The following CLCA1 variants were observed in gnomAD, a reference collection of about 807,000 sequenced individuals.
CLCA1 encodes chloride channel accessory 1.
CLCA1 carries 59 observed loss-of-function variants against 85.6 expected under a neutral mutation model. That is an observed-to-expected ratio of 0.69 (90% CI 0.56 to 0.86). CLCA1 has a LOEUF of 0.86. CLCA1 is among the 40% of genes least tolerant of loss of function. The pLI, the probability that CLCA1 is intolerant of heterozygous loss-of-function variation, is 0.00. For missense variants in CLCA1, 1,022 were observed against 1,101.4 expected (o/e 0.93, Z 1.02); for synonymous variants, 396 against 398.3 (o/e 0.99, Z 0.07).
chr1:86,470,623 A>T (rs1647475524), intron 1 of CLCA1, among the ~76,000 whole-genome samples: 1 of 152,132 alleles, frequency 6.6e-6, no homozygotes, highest in Admixed American at 6.5e-5. Context: ...ACAATTATTA[A>T]ATTGTCTTTC....
chr1:86,473,596 C>T, intron 2 of CLCA1, 39 bp downstream of exon 2: 2 of 1,529,488 alleles, frequency 1.3e-6, no homozygotes, highest in African/African-American at 1.4e-5. Flanking sequence ...TCCACTTTCT[C>T]CTGTAACCAA....
rs527701215 is a variant in CLCA1 at position 86,498,155 on chromosome 1, A to AAAGGAAGGAAGGAAGGAAGGAAGGAAGG, written c.2114-411_2114-384dup. 9.8e-4 allele frequency among the ~76,000 whole-genome samples: 124 copies of AAAGGAAGGAAGGAAGGAAGGAAGGAAGG among 126,016 alleles called. 1 individual carries two copies. Among genetic ancestry groups the AAAGGAAGGAAGGAAGGAAGGAAGGAAGG allele is most frequent in the Admixed American group, 1.9e-3 (22 of 11,770 alleles). 82.7% of individuals were successfully genotyped at this position (126,016 alleles called of 152,430 possible). The stretch of plus-strand genomic sequence containing the variant: ...CTCCATCTCAAAAACAAAAACAAAG[A>AAAGGAAGGAAGGAAGGAAGGAAGGAAGG]AAGGAAGGAAGGAAGGAAGGAAGGA... On this transcript the variant is annotated intron_variant, in intron 12 of 13. Coordinates refer to ENST00000394711, the MANE Select transcript of CLCA1 (RefSeq NM_001285.4).
intron 13 of CLCA1, 136 bp from the exon 14 acceptor site, chr1:86,499,518 T>C (rs747715231): frequency 3.5e-5 from 21 of 596,876 alleles, no homozygotes; most frequent in Non-Finnish European, 4.3e-5. Flanking sequence ...GTTCATTTAT[T>C]TGGGAACCTT....
chr1:86,475,349 C>A (rs769284562), intron 3 of CLCA1, among the ~76,000 whole-genome samples: 1 of 152,154 alleles, frequency 6.6e-6, no homozygotes, highest in Non-Finnish European at 1.5e-5. Flanking sequence ...CAAATTCAGC[C>A]TTCCTTGGAA....
Position 86,484,084 on chromosome 1 carries a change from G to A in CLCA1, c.736-1259G>A, listed in dbSNP as rs186362040. On this transcript the variant is annotated intron_variant, in intron 5 of 13. Coordinates refer to ENST00000394711, the MANE Select transcript of CLCA1 (RefSeq NM_001285.4). ...AGAACAGCATGGAGGAAACCATCTC[G>A]ATGATCCAATCACCTCCCACCAGAT... Among the ~76,000 whole-genome samples the A allele has an allele frequency of 3.3e-3, 509 of 152,246 alleles. 5 individuals are homozygous for A. The highest frequency in any genetic ancestry group is 3.6e-3 in the Non-Finnish European group (247 of 68,016).
intron 9 of CLCA1, among the ~76,000 whole-genome samples, chr1:86,492,893 G>C (rs535300514): frequency 1.7e-4 from 26 of 152,170 alleles, no homozygotes; most frequent in Non-Finnish European, 3.2e-4. Flanking sequence ...ATAGGGCGAA[G>C]CACAATATGA....
chr1:86,499,748 A>T lies in CLCA1; in HGVS notation c.2448A>T (p.Pro816=). ...SLQVNTTALI[P]KEANSEEVFL... ...AAGTGAATACTACTGCTCTCATCCC[A>T]AAGGAAGCCAACTCTGAGGAAGTCT... The change falls in exon 14 of 14, where the codon CCA becomes CCT. Residue 816 remains proline, a synonymous_variant. Transcript: ENST00000394711. 1 of 1,613,122 alleles carries T rather than the reference A, an allele frequency of 6.2e-7. No individual in the cohort carries two copies. Among genetic ancestry groups the T allele is most frequent in the Non-Finnish European group, 8.5e-7 (1 of 1,179,110 alleles).
intron 6 of CLCA1, 93 bp downstream of exon 6, chr1:86,485,654 C>T (rs996386886): frequency 1.7e-5 from 19 of 1,109,184 alleles, no homozygotes; most frequent in South Asian, 6.5e-5. Flanking sequence ...AAACATAACC[C>T]GAGGGCCAGA....
intron 7 of CLCA1, among the ~76,000 whole-genome samples, chr1:86,488,310 T>A (rs1396129681): frequency 6.6e-6 from 1 of 152,194 alleles, no homozygotes; most frequent in East Asian, 1.9e-4. Context: ...TTTATCTAAT[T>A]TTCCTCCCGT....
chr1:86,484,172 C>T (rs1358543045), intron 5 of CLCA1, among the ~76,000 whole-genome samples: 2 of 152,208 alleles, frequency 1.3e-5, no homozygotes, highest in African/African-American at 4.8e-5. Flanking sequence ...CAGAGCCAAA[C>T]CATATCAGAT....
At chr1:86,484,933 T>C (rs1331244812) in intron 5 of CLCA1, among the ~76,000 whole-genome samples, 12 of 152,076 alleles carry the variant, frequency 7.9e-5, no homozygotes, top group Admixed American at 6.6e-4. Context: ...AGCTGGAACA[T>C]TGGGAGTTGA....
chr1:86,472,812 C>T (rs1647541347), intron 1 of CLCA1, among the ~76,000 whole-genome samples: 3 of 152,112 alleles, frequency 2.0e-5, no homozygotes, highest in South Asian at 2.1e-4. Context: ...AATACCACAA[C>T]ATTTAGTATT....
intron 1 of CLCA1, among the ~76,000 whole-genome samples, chr1:86,470,357 A>C (rs1159651709): frequency 6.6e-6 from 1 of 152,212 alleles, no homozygotes; most frequent in Non-Finnish European, 1.5e-5. Flanking sequence ...TGAATCTCTC[A>C]ATCATCTAAA....
intron 6 of CLCA1, among the ~76,000 whole-genome samples, chr1:86,486,190 A>ATTT (rs2101739431): frequency 6.6e-6 from 1 of 152,318 alleles, no homozygotes; most frequent in African/African-American, 2.4e-5. Context: ...TGTGGGGATT[A>ATTT]TGGGGATTAC....
In CLCA1 at chr1:86,485,421, A is replaced by G; in HGVS notation, c.814A>G (p.Thr272Ala). 1 of 1,614,238 alleles carries G rather than the reference A, an allele frequency of 6.2e-7. No homozygotes were observed. The highest frequency in any genetic ancestry group is 8.5e-7 in the Non-Finnish European group (1 of 1,180,022). Residue 272 changes from threonine (T) to alanine (A), a missense_variant, in exon 6 of 14, where the codon ACA becomes GCA. Thr to Ala is a moderately conservative substitution (Grantham distance 58). Transcript: ENST00000394711. ...KQNQKCNLRS[T>A]WEVIRDSEDF... ...AAATCAAAAATGCAATCTCCGAAGC[A>G]CATGGGAAGTGATCCGTGATTCTGA...
chr1:86,488,736 T>C (rs2791507), intron 7 of CLCA1, among the ~76,000 whole-genome samples: 21,071 of 152,132 alleles, frequency 0.14, 1,825 homozygotes, highest in East Asian at 0.24. Flanking sequence ...TCCCCAGTGC[T>C]GTCCACCCCT....
rs557200815 is a variant in CLCA1, at chr1:86,473,032, CACTG to C, written c.163-384_163-381del. 7.9e-5 allele frequency among the ~76,000 whole-genome samples: 12 copies of C among 152,308 alleles called. No individual in the cohort carries two copies. In the South Asian group the frequency reaches 1.5e-3, roughly 18 times the overall value. On this transcript the variant is annotated intron_variant, in intron 1 of 13. Coordinates refer to ENST00000394711, the MANE Select transcript of CLCA1 (RefSeq NM_001285.4). The stretch of plus-strand genomic sequence containing the variant: ...TTTATACTTGCTTGTGCGAAGTAAA[CACTG>C]TTCCTAGCACATCATATGTTTCACT...
rs1024514472 is a variant in CLCA1 at position 86,486,517 on chromosome 1, T to C, written c.955-9T>C. ...ACGTAACCTGTTTTTCTTTTGCTTC[T>C]CCATTTAGACTGGTAACCGCCTCAA... On this transcript the variant is annotated splice_polypyrimidine_tract_variant and intron_variant, in intron 6 of 13. Coordinates refer to ENST00000394711, the MANE Select transcript of CLCA1 (RefSeq NM_001285.4). 1 of 1,613,348 alleles carries C rather than the reference T, an allele frequency of 6.2e-7. No individual in the cohort carries two copies. The highest frequency in any genetic ancestry group is 8.5e-7 in the Non-Finnish European group (1 of 1,179,542).
intron 4 of CLCA1, among the ~76,000 whole-genome samples, chr1:86,479,366 C>T (rs1340303313): frequency 1.3e-5 from 2 of 151,788 alleles, no homozygotes; most frequent in East Asian, 1.9e-4. Context: ...TAAAAGAAAA[C>T]CAAGGTAAAT....
Sources: gnomAD v4.1 joint callset for allele counts (sites outside exome capture counted in the v4.1 genomes callset) on GRCh38, gnomAD v4.1.1 for gene constraint, MANE v1.5 for transcripts, NCBI Gene and HGNC (gene_info 2026-07-23, HGNC 2026-07-21) for gene names.